Variants in EYS observed in about 807,000 individuals in gnomAD.
The protein encoded by EYS is protein eyes shut homolog.
EYS carries 250 observed loss-of-function variants against 282.1 expected under a neutral mutation model. The ratio of observed to expected loss-of-function variants is 0.89; its 90% CI spans 0.80 to 0.98. The LOEUF (loss-of-function observed/expected upper bound fraction) is 0.98. Ranked by LOEUF, EYS falls within the 50% of genes least tolerant of loss-of-function variation. EYS has a pLI of 0.00. For synonymous variants in EYS, 1,355 were observed against 1,282.9 expected (o/e 1.06, Z -1.20); for missense variants, 4,016 against 3,709.0 (o/e 1.08, Z -2.15).
chr6:64,044,538 A>G (rs1770534686), intron 33 of EYS, among the ~76,000 whole-genome samples: 1 of 152,220 alleles, frequency 6.6e-6, no homozygotes, highest in Non-Finnish European at 1.5e-5. Flanking sequence ...TGTTCAACTC[A>G]GCTTGAATTT....
intron 35 of EYS, among the ~76,000 whole-genome samples, chr6:63,953,766 C>G (rs1765697357): frequency 2.0e-5 from 3 of 152,146 alleles, no homozygotes; most frequent in Non-Finnish European, 4.4e-5. Flanking sequence ...CATCTCAACT[C>G]TTTTCATTAC....
chr6:64,431,412 C>T (rs965337723), intron 28 of EYS, among the ~76,000 whole-genome samples: 1 of 152,116 alleles, frequency 6.6e-6, no homozygotes, highest in African/African-American at 2.4e-5. Flanking sequence ...AGGGTTAACA[C>T]TTCAATGCAT....
intron 22 of EYS, among the ~76,000 whole-genome samples, chr6:64,644,431 T>C (rs181441822): frequency 9.2e-5 from 14 of 152,254 alleles, no homozygotes; most frequent in Non-Finnish European, 1.8e-4. Flanking sequence ...GGAATTAAGA[T>C]AGGAGATTAT....
intron 11 of EYS, among the ~76,000 whole-genome samples, chr6:65,327,770 A>G (rs1488904817): frequency 6.6e-6 from 1 of 151,572 alleles, no homozygotes; most frequent in Non-Finnish European, 1.5e-5. Context: ...GAACTAGAAG[A>G]TACATTGAAG....
chr6:65,444,163 C>T (rs553433790), intron 5 of EYS, among the ~76,000 whole-genome samples: 1 of 152,012 alleles, frequency 6.6e-6, no homozygotes, highest in South Asian at 2.1e-4. Context: ...CCCACATATT[C>T]CCATTGTACA....
chr6:64,843,138 A>T (rs1765615861), intron 19 of EYS, among the ~76,000 whole-genome samples: 1 of 152,196 alleles, frequency 6.6e-6, no homozygotes, highest in East Asian at 1.9e-4. Context: ...GGTCCAGCAG[A>T]TGTATGGAAA....
intron 30 of EYS, among the ~76,000 whole-genome samples, chr6:64,289,877 G>A (rs772131853): frequency 3.3e-5 from 5 of 151,966 alleles, no homozygotes; most frequent in East Asian, 3.9e-4. Context: ...GTGCCTTAGC[G>A]CACAGAATTC....
chr6:64,562,873 A>G (rs534275955), intron 26 of EYS, among the ~76,000 whole-genome samples: 1 of 152,094 alleles, frequency 6.6e-6, no homozygotes, highest in East Asian at 1.9e-4. Context: ...GTAGCTATTA[A>G]CTGGATTTTC....
At chr6:65,026,916 C>CAAAA (rs1260312589) in intron 13 of EYS, among the ~76,000 whole-genome samples, 3 of 107,838 alleles carry the variant, frequency 2.8e-5, no homozygotes, top group Non-Finnish European at 4.0e-5. Context: ...GACTCCGTCT[C>CAAAA]AAAAAAAAAA....
At chr6:65,074,862 T>C (rs745612189) in intron 12 of EYS, among the ~76,000 whole-genome samples, 14 of 151,936 alleles carry the variant, frequency 9.2e-5, no homozygotes, top group Non-Finnish European at 1.3e-4. Flanking sequence ...AGATGATGGG[T>C]GGGACCTCAC....
chr6:64,433,203 G>T (rs184888393), intron 28 of EYS, among the ~76,000 whole-genome samples: 45 of 152,036 alleles, frequency 3.0e-4, no homozygotes, highest in African/African-American at 1.1e-3. Context: ...TTCTATAAGG[G>T]TACGTAAGGC....
chr6:64,088,806 T>C (rs530187076), intron 31 of EYS, among the ~76,000 whole-genome samples: 1 of 152,120 alleles, frequency 6.6e-6, no homozygotes. Context: ...TAAAAGTTAG[T>C]GATTCTGAAT....
At chr6:65,420,100 G>A (rs1671650219) in intron 5 of EYS, among the ~76,000 whole-genome samples, 1 of 151,874 alleles carries the variant, frequency 6.6e-6, no homozygotes, top group South Asian at 2.1e-4. Flanking sequence ...CTAAAGATTG[G>A]AGAAGCTGTG....
chr6:65,325,662 T>C (rs796882630), intron 11 of EYS, among the ~76,000 whole-genome samples: 2 of 152,204 alleles, frequency 1.3e-5, no homozygotes, highest in South Asian at 2.1e-4. Flanking sequence ...GGGTCTAAAA[T>C]ACTTCCTAGT....
chr6:65,319,915 C>A (rs1181976277), intron 11 of EYS, among the ~76,000 whole-genome samples: 2 of 150,896 alleles, frequency 1.3e-5, no homozygotes, highest in Admixed American at 1.3e-4. Flanking sequence ...CCTTCTCCCC[C>A]AGCCATCCAA....
intron 22 of EYS, among the ~76,000 whole-genome samples, chr6:64,701,413 C>CGTT (rs1770784197): frequency 6.6e-6 from 1 of 151,998 alleles, no homozygotes; most frequent in African/African-American, 2.4e-5. Flanking sequence ...ATGGGAGAAA[C>CGTT]TATTTGCATA....
chr6:65,485,957 A>C (rs1461016272), intron 5 of EYS, among the ~76,000 whole-genome samples: 1 of 152,224 alleles, frequency 6.6e-6, no homozygotes, highest in Non-Finnish European at 1.5e-5. Context: ...ATCTGACAAT[A>C]TTGGTAGTGC....
At chr6:65,601,956 T>C (rs1195911461) in intron 2 of EYS, among the ~76,000 whole-genome samples, 1 of 151,960 alleles carries the variant, frequency 6.6e-6, no homozygotes, top group African/African-American at 2.4e-5. Flanking sequence ...ATAATGTTGG[T>C]ATGAAGAAAA....
In EYS at chr6:65,494,986, C is replaced by G; in HGVS notation, c.425G>C (p.Ser142Thr). The G allele has an allele frequency of 6.2e-7, 1 of 1,614,232 alleles. No homozygotes were observed. Among genetic ancestry groups the G allele is most frequent in the South Asian group, 1.1e-5 (1 of 91,090 alleles). Reference protein sequence around the residue: ...GMHTVNSKWLSVGTHYFITVM... With the variant: ...GMHTVNSKWLTVGTHYFITVM... ...TGTGATAAAATAATGTGTCCCAACA[C>G]TCAGCCACTTAGAATTAACAGTGTG... Residue 142 changes from serine (S) to threonine (T), a missense_variant, in exon 4 of 43, where the codon AGT becomes ACT. Physicochemically the swap from Ser to Thr is moderately conservative, Grantham distance 58 (BLOSUM62 1). Transcript: ENST00000503581.
Sources: gnomAD v4.1 joint callset for allele counts (sites outside exome capture counted in the v4.1 genomes callset) on GRCh38, gnomAD v4.1.1 for gene constraint, MANE v1.5 for transcripts, NCBI Gene and HGNC (gene_info 2026-07-23, HGNC 2026-07-21) for gene names.